METTL5: variants seen among roughly 807,000 people sequenced by gnomAD.
The protein encoded by METTL5 is rRNA N(6)-adenosine-methyltransferase METTL5.
METTL5 carries 28 observed loss-of-function variants against 26.5 expected under a neutral mutation model. That is an observed-to-expected ratio of 1.06 (90% CI 0.78 to 1.45). The LOEUF is 1.45. METTL5 is among the 40% of genes most tolerant of loss of function. The pLI, the probability that METTL5 is intolerant of heterozygous loss-of-function variation, is 0.00. For synonymous variants in METTL5, 86 were observed against 82.6 expected, an observed-to-expected ratio of 1.04 and a Z score of -0.22; for missense variants, 231 against 249.9, an observed-to-expected ratio of 0.92 and a Z score of 0.51.
intron 4 of METTL5, among the ~76,000 whole-genome samples, chr2:169,816,948 T>C (rs1210748099): frequency 6.6e-6 from 1 of 152,078 alleles, no homozygotes; most frequent in Non-Finnish European, 1.5e-5. Context: ...GGGATCTAAT[T>C]AAACTAAAGA....
chr2:169,821,876 G>C, intron 2 of METTL5, 67 bp downstream of exon 2: 4 of 1,396,768 alleles, frequency 2.9e-6, no homozygotes, highest in Non-Finnish European at 2.0e-6. Flanking sequence ...ATATAATTCA[G>C]TTAATCCCAT....
chr2:169,811,915 A>G, intron 6 of METTL5, 57 bp from the exon 7 acceptor site: 1 of 1,562,424 alleles, frequency 6.4e-7, no homozygotes, highest in South Asian at 1.1e-5. Context: ...TATGCAAATG[A>G]GATTTCTTTG....
Position 169,824,547 on chromosome 2 carries a change from A to C in METTL5, c.51T>G (p.Asp17Glu). 6.2e-7 allele frequency: 1 copy of C among 1,614,172 alleles called. No homozygotes were observed. Among genetic ancestry groups the C allele is most frequent in the Non-Finnish European group, 8.5e-7 (1 of 1,180,018 alleles). ...KELESRLQQV[D>E]GFEKPKLLLE... ...GAAGTAGCTTGGGCTTTTCAAATCCATCCACTTGTTGCAGGCGACTCTCTA... is the reference window on the plus strand; with the variant it reads ...GAAGTAGCTTGGGCTTTTCAAATCCCTCCACTTGTTGCAGGCGACTCTCTA... The change falls in exon 1 of 7, where the codon GAT becomes GAG. Residue 17 changes from aspartate (D) to glutamate (E), a missense_variant. Asp to Glu is a conservative substitution (Grantham distance 45). Coordinates refer to ENST00000260953, the MANE Select transcript of METTL5 (RefSeq NM_014168.4).
chr2:169,816,719 G>A (rs2105715537), intron 4 of METTL5, among the ~76,000 whole-genome samples: 1 of 152,304 alleles, frequency 6.6e-6, no homozygotes, highest in Non-Finnish European at 1.5e-5. Context: ...TTTAATAAAT[G>A]GTGCTGGGAA....
At chr2:169,812,297 G>A in intron 6 of METTL5, 160 bp downstream of exon 6, 1 of 1,183,324 alleles carries the variant, frequency 8.5e-7, no homozygotes, top group East Asian at 2.4e-5. Context: ...CTGGAGTTCA[G>A]TGGGGCAATC....
chr2:169,823,424 TAA>T (rs1370573752), intron 1 of METTL5, among the ~76,000 whole-genome samples: 1 of 152,244 alleles, frequency 6.6e-6, no homozygotes, highest in Non-Finnish European at 1.5e-5. Context: ...ATCTTGGAGT[TAA>T]GTGTAAATAC....
intron 5 of METTL5, chr2:169,813,150 C>CGGAGTCTCCA (rs1429008586): frequency 2.1e-5 from 3 of 142,464 alleles, no homozygotes; most frequent in Admixed American, 7.3e-5. Context: ...TTTTTTAAGA[C>CGGAGTCTCCA]GGAGTCTCGC....
intron 4 of METTL5, among the ~76,000 whole-genome samples, chr2:169,818,880 T>TA (rs758255366): frequency 6.6e-5 from 10 of 152,156 alleles, no homozygotes; most frequent in Non-Finnish European, 1.5e-4. Flanking sequence ...CCCTTACACT[T>TA]AGAGTACAGG....
intron 4 of METTL5, among the ~76,000 whole-genome samples, chr2:169,818,049 C>T (rs1160957213): frequency 6.6e-6 from 1 of 152,018 alleles, no homozygotes; most frequent in Non-Finnish European, 1.5e-5. Flanking sequence ...CCTCCCACTC[C>T]CTACTCCCTT....
At chr2:169,813,445 T>G (rs1033966097) in intron 5 of METTL5, among the ~76,000 whole-genome samples, 3 of 151,908 alleles carry the variant, frequency 2.0e-5, no homozygotes, top group Non-Finnish European at 4.4e-5. Context: ...TCTTTATTTC[T>G]AACAAGGAAA....
intron 2 of METTL5, 25 bp from the exon 3 acceptor site, chr2:169,821,298 G>A (rs1359842594): frequency 6.6e-7 from 1 of 1,514,138 alleles, no homozygotes; most frequent in East Asian, 2.4e-5. Flanking sequence ...CACATACAAA[G>A]AGTGGCGACT....
chr2:169,814,355 T>C (rs1004662290), intron 5 of METTL5, among the ~76,000 whole-genome samples: 2 of 148,630 alleles, frequency 1.3e-5, no homozygotes, highest in Non-Finnish European at 3.0e-5. Flanking sequence ...GGCGTGGTAG[T>C]GCATGCCTGT....
chr2:169,812,042 A>G, intron 6 of METTL5, 184 bp from the exon 7 acceptor site: 2 of 694,728 alleles, frequency 2.9e-6, no homozygotes, highest in Non-Finnish European at 4.7e-6. Context: ...AATAAAATAT[A>G]TACTATATGA....
rs780016120 is a variant in METTL5 at position 169,824,470 on chromosome 2, G to T, written c.109+19C>A. On this transcript the variant is annotated intron_variant, in intron 1 of 6. Transcript: ENST00000260953. ...GGACTAACGCCGAAAGCCGGGGCGT[G>T]GTGAACCAGCCGCCCTACCTGCAAT... 6.3e-7 allele frequency: 1 copy of T among 1,578,138 alleles called. No individual in the cohort carries two copies. Among genetic ancestry groups the T allele is most frequent in the Non-Finnish European group, 8.7e-7 (1 of 1,147,242 alleles).
At chr2:169,811,880 TTTG>T (rs1558974253) in intron 6 of METTL5, 22 bp from the exon 7 acceptor site, 1 of 1,612,134 alleles carries the variant, frequency 6.2e-7, no homozygotes, top group African/African-American at 1.3e-5. Flanking sequence ...GAAAAATTTT[TTTG>T]TTGTTTAACT....
intron 2 of METTL5, among the ~76,000 whole-genome samples, 163 bp from the exon 3 acceptor site, chr2:169,821,436 T>C (rs2081584028): frequency 6.6e-6 from 1 of 151,902 alleles, no homozygotes; most frequent in Admixed American, 6.6e-5. Context: ...TCAGACAGGA[T>C]CTTGCTGTGC....
At position 169,824,504 on chromosome 2, in the gene METTL5, T is replaced by A. The variant is rs1558981116; in HGVS notation, c.94A>T (p.Arg32Trp). The change falls in exon 1 of 7, where the codon AGG becomes TGG. Residue 32 changes from arginine to tryptophan, a missense_variant. Arg to Trp is a moderately radical substitution (Grantham distance 101, BLOSUM62 -3). Coordinates refer to ENST00000260953, the MANE Select transcript of METTL5 (RefSeq NM_014168.4). ...GCCGCCCTACCTGCAATGTGCGGCC[T>A]GGTAGGATACTGTTCCAGAAGTAGC... ...PKLLLEQYPTRPHIAACMLYT... is the reference protein window; with the variant it reads ...PKLLLEQYPTWPHIAACMLYT... 6.2e-7 allele frequency: 1 copy of A among 1,614,074 alleles called. No individual in the cohort carries two copies. The highest frequency in any genetic ancestry group is 8.5e-7 in the Non-Finnish European group (1 of 1,179,906).
chr2:169,823,645 C>T (rs1260454654), intron 1 of METTL5, among the ~76,000 whole-genome samples: 2 of 152,054 alleles, frequency 1.3e-5, no homozygotes, highest in Non-Finnish European at 2.9e-5. Flanking sequence ...CATAGCAAGA[C>T]GCTGTCTCTA....
chr2:169,816,491 C>T (rs1336033814), intron 4 of METTL5, among the ~76,000 whole-genome samples: 1 of 152,184 alleles, frequency 6.6e-6, no homozygotes, highest in African/African-American at 2.4e-5. Flanking sequence ...ATAGCCAAGA[C>T]AATCCTAAGC....
Sources: gnomAD v4.1 joint callset for allele counts (sites outside exome capture counted in the v4.1 genomes callset) on GRCh38, gnomAD v4.1.1 for gene constraint, MANE v1.5 for transcripts, NCBI Gene and HGNC (gene_info 2026-07-23, HGNC 2026-07-21) for gene names.